Variants in IL1RAPL1 observed in about 807,000 individuals in gnomAD.
IL1RAPL1 encodes interleukin 1 receptor accessory protein like 1.
A neutral mutation model predicts 48.4 loss-of-function variants in IL1RAPL1; 3 were observed. The observed-to-expected ratio is 0.06, with a 90% CI of 0.03 to 0.16. The LOEUF (loss-of-function observed/expected upper bound fraction) is 0.16. Among genes scored for constraint, IL1RAPL1 ranks in the 10% least tolerant of loss-of-function variants. The pLI is 1.00. For missense variants in IL1RAPL1, 349 were observed against 530.6 expected, an observed-to-expected ratio of 0.66 and a Z score of 3.36; for synonymous variants, 185 against 187.7, an observed-to-expected ratio of 0.99 and a Z score of 0.12.
intron 5 of IL1RAPL1, among the ~76,000 whole-genome samples, chrX:29,473,793 T>G (rs993749901): frequency 2.7e-5 from 3 of 111,229 alleles, no homozygotes; most frequent in Non-Finnish European, 5.7e-5. Context: ...TTACATGTCT[T>G]TTTTTCACCC....
intron 8 of IL1RAPL1, among the ~76,000 whole-genome samples, chrX:29,924,855 C>A (rs1201471059): frequency 9.0e-6 from 1 of 111,606 alleles, no homozygotes; most frequent in Non-Finnish European, 1.9e-5. Flanking sequence ...AGAATGTAAT[C>A]GATAGAAATT....
intron 6 of IL1RAPL1, among the ~76,000 whole-genome samples, chrX:29,839,714 A>C (rs1169787898): frequency 8.9e-6 from 1 of 111,996 alleles, no homozygotes; most frequent in Non-Finnish European, 1.9e-5. Context: ...CCAGGGGTTC[A>C]AGACCAACCT....
At chrX:29,653,901 CTTATTTAT>C (rs535604223) in intron 5 of IL1RAPL1, among the ~76,000 whole-genome samples, 3,368 of 93,431 alleles carry the variant, frequency 0.036, 144 homozygotes, top group African/African-American at 0.12. Context: ...AATTAGGGCT[CTTATTTAT>C]TTATTTATTT....
chrX:28,992,276 A>C (rs908252012), intron 2 of IL1RAPL1, among the ~76,000 whole-genome samples: 1 of 110,882 alleles, frequency 9.0e-6, no homozygotes, highest in African/African-American at 3.3e-5. Flanking sequence ...GATTACCTGA[A>C]GTCAGGAGTT....
chrX:29,675,114 G>A (rs1192999396), intron 6 of IL1RAPL1, among the ~76,000 whole-genome samples: 1 of 112,375 alleles, frequency 8.9e-6, no homozygotes, highest in African/African-American at 3.2e-5. Context: ...TCAAATGGTA[G>A]TTCTGTTTTT....
chrX:29,802,761 A>ATATATATATG (rs1929946896), intron 6 of IL1RAPL1, among the ~76,000 whole-genome samples: 3 of 22,629 alleles, frequency 1.3e-4, no homozygotes, highest in African/African-American at 8.1e-4. Context: ...ATATATATAT[A>ATATATATATG]TATATATATA....
chrX:29,230,529 A>C (rs867918868), intron 2 of IL1RAPL1, among the ~76,000 whole-genome samples: 16 of 98,642 alleles, frequency 1.6e-4, no homozygotes, highest in African/African-American at 4.9e-4. Context: ...AAAAAAAAAA[A>C]AAAAAACCTT....
intron 1 of IL1RAPL1, among the ~76,000 whole-genome samples, chrX:28,768,703 TTCTCTC>T (rs1195886664): frequency 1.9e-4 from 11 of 58,817 alleles, no homozygotes; most frequent in African/African-American, 6.4e-4. Flanking sequence ...CTCTCTCTGT[TTCTCTC>T]TCTCTCTCTC....
intron 5 of IL1RAPL1, among the ~76,000 whole-genome samples, chrX:29,542,465 T>G (rs772133518): frequency 8.9e-6 from 1 of 112,082 alleles, no homozygotes; most frequent in South Asian, 3.7e-4. Context: ...TCTAATAACC[T>G]TATACTTGGA....
chrX:29,393,279 G>A (rs1180767934), intron 3 of IL1RAPL1, among the ~76,000 whole-genome samples: 7 of 111,554 alleles, frequency 6.3e-5, no homozygotes, highest in African/African-American at 2.3e-4. Context: ...CCGCCACCAC[G>A]CCCGGCTAAT....
chrX:28,738,480 T>A (rs979075049), intron 1 of IL1RAPL1, among the ~76,000 whole-genome samples: 2 of 111,081 alleles, frequency 1.8e-5, no homozygotes, highest in African/African-American at 6.5e-5. Flanking sequence ...GGGAGAGTTA[T>A]GTGGTGTCTG....
At chrX:29,515,709 C>CA (rs1359766689) in intron 5 of IL1RAPL1, among the ~76,000 whole-genome samples, 1 of 111,651 alleles carries the variant, frequency 9.0e-6, no homozygotes, top group African/African-American at 3.3e-5. Context: ...AACAGAGCCT[C>CA]ACTCTGTCTC....
chrX:28,817,514 G>A (rs1936884631), intron 2 of IL1RAPL1, among the ~76,000 whole-genome samples: 1 of 111,168 alleles, frequency 9.0e-6, no homozygotes, highest in African/African-American at 3.3e-5. Flanking sequence ...TCAATATAAT[G>A]CATAATGTGC....
chrX:28,609,628 TACACACACAC>T (rs3078234), intron 1 of IL1RAPL1, among the ~76,000 whole-genome samples: 3 of 89,438 alleles, frequency 3.4e-5, no homozygotes, highest in Non-Finnish European at 4.4e-5. Flanking sequence ...TGCATGTTCT[TACACACACAC>T]ACACACACAC....
chrX:29,806,894 G>A (rs978486322), intron 6 of IL1RAPL1, among the ~76,000 whole-genome samples: 9 of 110,321 alleles, frequency 8.2e-5, no homozygotes, highest in African/African-American at 3.0e-4. Context: ...TTGTTTACAA[G>A]TGTGTGGCAC....
At chrX:28,926,300 A>G (rs1601961543) in intron 2 of IL1RAPL1, among the ~76,000 whole-genome samples, 1 of 111,919 alleles carries the variant, frequency 8.9e-6, no homozygotes. Flanking sequence ...AAAAGATCAG[A>G]CTTCTAAAAA....
intron 3 of IL1RAPL1, among the ~76,000 whole-genome samples, chrX:29,333,425 C>T (rs1932914403): frequency 1.0e-5 from 1 of 100,021 alleles, no homozygotes. Flanking sequence ...CCACCTCCCT[C>T]CCGGACGGGG....
intron 2 of IL1RAPL1, among the ~76,000 whole-genome samples, chrX:29,097,775 T>C (rs956304548): frequency 8.9e-6 from 1 of 112,219 alleles, no homozygotes; most frequent in Non-Finnish European, 1.9e-5. Context: ...CCACCTCTTA[T>C]GTGCAATTGT....
rs181196679 is a variant in IL1RAPL1, at chrX:29,272,657, G to A, written c.83-10281G>A. Among the ~76,000 whole-genome samples, 403 of 111,084 alleles carry A rather than the reference G, an allele frequency of 3.6e-3. 2 individuals carry two copies. The highest frequency in any genetic ancestry group is 4.9e-3 in the Non-Finnish European group (259 of 52,986). ...GGGGATGGTCGTTTTGTACAGTATT[G>A]TTGCAGAGGTTCTCTGCATTTCCTG... On this transcript the variant is annotated intron_variant, in intron 2 of 10. Coordinates refer to ENST00000378993, the MANE Select transcript of IL1RAPL1 (RefSeq NM_014271.4).
Sources: gnomAD v4.1 joint callset for allele counts (sites outside exome capture counted in the v4.1 genomes callset) on GRCh38, gnomAD v4.1.1 for gene constraint, MANE v1.5 for transcripts, NCBI Gene and HGNC (gene_info 2026-07-23, HGNC 2026-07-21) for gene names.